SLC17A3: variants seen among roughly 807,000 people sequenced by gnomAD.
SLC17A3 encodes sodium-dependent phosphate transport protein 4.
In SLC17A3, 61 loss-of-function variants were observed where a neutral mutation model predicts 60.3. The observed-to-expected ratio is 1.01, with a 90% CI of 0.82 to 1.25. The LOEUF is 1.25. SLC17A3 is among the 50% of genes most tolerant of loss of function. The pLI, the probability that SLC17A3 is intolerant of heterozygous loss-of-function variation, is 0.00. For synonymous variants in SLC17A3, 192 were observed against 208.9 expected (o/e 0.92, Z 0.70); for missense variants, 624 against 594.9 (o/e 1.05, Z -0.51).
chr6:25,846,135 T>C (rs751502601), intron 11 of SLC17A3, among the ~76,000 whole-genome samples: 2 of 151,708 alleles, frequency 1.3e-5, no homozygotes, highest in Non-Finnish European at 3.0e-5. Context: ...TACAATTTTC[T>C]AGAAATTTTG....
intron 11 of SLC17A3, among the ~76,000 whole-genome samples, chr6:25,848,393 A>T (rs753893429): frequency 1.3e-5 from 2 of 152,180 alleles, no homozygotes; most frequent in African/African-American, 2.4e-5. Flanking sequence ...ACAATGGCCA[A>T]CCTTGCAGGA....
chr6:25,868,527 T>C (rs747294560), intron 1 of SLC17A3, 107 bp from the exon 2 acceptor site: 8 of 725,536 alleles, frequency 1.1e-5, no homozygotes, highest in Non-Finnish European at 1.9e-5. Context: ...CCATTCCATC[T>C]GGTTGGAGAC....
intron 2 of SLC17A3, 52 bp from the exon 3 acceptor site, chr6:25,862,496 A>G (rs993617566): frequency 7.2e-7 from 1 of 1,386,758 alleles, no homozygotes; most frequent in Non-Finnish European, 1.0e-6. Context: ...AGCTAACATT[A>G]GTTTTTCACA....
chr6:25,869,240 G>A (rs1765598718), intron 1 of SLC17A3, among the ~76,000 whole-genome samples: 1 of 151,872 alleles, frequency 6.6e-6, no homozygotes, highest in African/African-American at 2.4e-5. Context: ...GTTACTATGT[G>A]TAGAATTGTA....
Position 25,850,141 on chromosome 6 carries a change from A to G in SLC17A3, c.1030T>C (p.Trp344Arg). 2 of 1,613,850 alleles carry G rather than the reference A, an allele frequency of 1.2e-6. No homozygotes were observed. The highest frequency in any genetic ancestry group is 1.7e-5 in the Admixed American group (1 of 60,016). ...LLSALPFIVA[W>R]VIGMVGGYLA... ...TAGCCTCCCACCATGCCTATGACCC[A>G]GGCAACAATAAAAGGAAGGGCAGAT... The change falls in exon 9 of 13, where the codon TGG (tryptophan) becomes CGG (arginine). Residue 344 changes from tryptophan (W) to arginine (R), a missense_variant. Physicochemically the swap from Trp to Arg is moderately radical, Grantham distance 101 (BLOSUM62 -3). Coordinates refer to ENST00000397060, the MANE Select transcript of SLC17A3 (RefSeq NM_001098486.2).
chr6:25,847,936 C>T (rs1765206052), intron 11 of SLC17A3, among the ~76,000 whole-genome samples: 1 of 152,114 alleles, frequency 6.6e-6, no homozygotes, highest in African/African-American at 2.4e-5. Flanking sequence ...TCCACTGTGT[C>T]ACTCTTATGC....
At chr6:25,859,915 C>T (rs1452934342) in intron 5 of SLC17A3, among the ~76,000 whole-genome samples, 1 of 152,094 alleles carries the variant, frequency 6.6e-6, no homozygotes, top group East Asian at 1.9e-4. Context: ...TGTAACTGTG[C>T]AATTACAGCA....
At chr6:25,865,513 C>T (rs551594215) in intron 2 of SLC17A3, among the ~76,000 whole-genome samples, 1 of 152,010 alleles carries the variant, frequency 6.6e-6, no homozygotes, top group South Asian at 2.1e-4. Context: ...CCCAAGTTCC[C>T]TTGGGATCCC....
chr6:25,871,307 C>A (rs1439479069), intron 1 of SLC17A3, among the ~76,000 whole-genome samples: 1 of 151,870 alleles, frequency 6.6e-6, no homozygotes, highest in Non-Finnish European at 1.5e-5. Context: ...TACTATGCAG[C>A]CATAAAAAAT....
intron 5 of SLC17A3, among the ~76,000 whole-genome samples, chr6:25,856,872 T>C (rs1259195013): frequency 2.7e-5 from 4 of 149,968 alleles, no homozygotes; most frequent in Non-Finnish European, 5.9e-5. Flanking sequence ...AAAATTACCT[T>C]TCCAATATTA....
At chr6:25,871,999 G>C (rs1414775144) in intron 1 of SLC17A3, among the ~76,000 whole-genome samples, 4 of 151,914 alleles carry the variant, frequency 2.6e-5, no homozygotes, top group African/African-American at 9.7e-5. Context: ...TGATGTACTG[G>C]AACCAACTCA....
chr6:25,872,713 G>A (rs1048585939), intron 1 of SLC17A3, among the ~76,000 whole-genome samples: 1 of 151,536 alleles, frequency 6.6e-6, no homozygotes, highest in African/African-American at 2.4e-5. Context: ...GGGTACTCTT[G>A]CTAAGATGAC....
intron 5 of SLC17A3, among the ~76,000 whole-genome samples, chr6:25,860,496 A>C (rs1313038244): frequency 6.6e-6 from 1 of 151,714 alleles, no homozygotes; most frequent in Non-Finnish European, 1.5e-5. Context: ...GGTTCAGCTC[A>C]CTCCACCTGC....
At chr6:25,866,526 T>A (rs1765538794) in intron 2 of SLC17A3, among the ~76,000 whole-genome samples, 1 of 151,930 alleles carries the variant, frequency 6.6e-6, no homozygotes, top group African/African-American at 2.4e-5. Flanking sequence ...AACTGTAAGA[T>A]AATAAATGTA....
At chr6:25,873,328 A>G (rs1765674549) in intron 1 of SLC17A3, among the ~76,000 whole-genome samples, 1 of 152,136 alleles carries the variant, frequency 6.6e-6, no homozygotes, top group South Asian at 2.1e-4. Flanking sequence ...TGGGTCAGAA[A>G]CTATATATTG....
Position 25,855,179 on chromosome 6 carries a change from T to C in SLC17A3, c.677A>G (p.Glu226Gly), listed in dbSNP as rs1765338602. The part of the protein sequence containing the change: ...TAILIGGFIS[E>G]TLGWPFVFYI... Reference sequence around the variant, plus strand: ...GAAGACAAAGGGCCACCCAAGGGTTTCACTAATGAAGCCACCTATGAGGAT... The same window carrying C: ...GAAGACAAAGGGCCACCCAAGGGTTCCACTAATGAAGCCACCTATGAGGAT... Residue 226 changes from glutamate (E) to glycine (G), a missense_variant, in exon 6 of 13, where the codon GAA becomes GGA. Physicochemically the swap from Glu to Gly is moderately conservative, Grantham distance 98. Transcript: ENST00000397060. 6.2e-7 allele frequency: 1 copy of C among 1,613,722 alleles called. No homozygotes were observed. The highest frequency in any genetic ancestry group is 8.5e-7 in the Non-Finnish European group (1 of 1,179,752).
In SLC17A3 at chr6:25,850,164, G is replaced by C; in HGVS notation, c.1007C>G (p.Ser336Cys). ...HVNIRDNGLL[S>C]ALPFIVAWVI... ...CCAGGCAACAATAAAAGGAAGGGCA[G>C]ATAGAAGTCCATTCTAAAGAGAAAA... Residue 336 changes from serine to cysteine, a missense_variant, in exon 9 of 13, where the codon TCT becomes TGT. Coordinates refer to ENST00000397060, the MANE Select transcript of SLC17A3 (RefSeq NM_001098486.2). 1 of 1,613,560 alleles carries C rather than the reference G, an allele frequency of 6.2e-7. No individual in the cohort carries two copies. The highest frequency in any genetic ancestry group is 2.2e-5 in the East Asian group (1 of 44,870).
rs1374065715 is a variant in SLC17A3, at chr6:25,847,110, G to T, written c.1363-1594C>A. On this transcript the variant is annotated intron_variant, in intron 11 of 12. Coordinates refer to ENST00000397060, the MANE Select transcript of SLC17A3 (RefSeq NM_001098486.2). ...TCTCAAGTAAGATCCAGTGTCTGTTGTTCCCCTCCTTGTGTCCATGAATGC... is the reference window on the plus strand; with the variant it reads ...TCTCAAGTAAGATCCAGTGTCTGTTTTTCCCCTCCTTGTGTCCATGAATGC... Among the ~76,000 whole-genome samples the T allele has an allele frequency of 3.3e-5, 5 of 151,496 alleles. No homozygotes were observed. The South Asian group carries it at 8.4e-4, about 25-fold the overall frequency.
chr6:25,856,622 C>A (rs574620216), intron 5 of SLC17A3, among the ~76,000 whole-genome samples: 5 of 151,040 alleles, frequency 3.3e-5, no homozygotes, highest in African/African-American at 9.7e-5. Flanking sequence ...CCGAGGCAGG[C>A]GAATCATGAG....
Sources: gnomAD v4.1 joint callset for allele counts (sites outside exome capture counted in the v4.1 genomes callset) on GRCh38, gnomAD v4.1.1 for gene constraint, MANE v1.5 for transcripts, NCBI Gene and HGNC (gene_info 2026-07-23, HGNC 2026-07-21) for gene names.